GRIK1: variants seen among roughly 807,000 people sequenced by gnomAD.
GRIK1 encodes the protein glutamate receptor ionotropic, kainate 1.
Under a neutral mutation model 105.7 loss-of-function variants are expected in GRIK1, and 69 were observed. The ratio of observed to expected loss-of-function variants is 0.65; its 90% confidence interval spans 0.54 to 0.80. The LOEUF (loss-of-function observed/expected upper bound fraction) is 0.80, where lower values mean the gene tolerates loss of function less well. GRIK1 is among the 30% of genes least tolerant of loss of function. The pLI is 0.00. For missense variants in GRIK1, 1,109 were observed against 1,167.3 expected (o/e 0.95, Z 0.73); for synonymous variants, 438 against 431.3 (o/e 1.02, Z -0.19).
intron 4 of GRIK1, among the ~76,000 whole-genome samples, chr21:29,658,301 G>A (rs532728331): frequency 4.6e-5 from 7 of 151,434 alleles, no homozygotes; most frequent in South Asian, 2.1e-4. Context: ...TCATTCTGTC[G>A]CCCCAGGCTA....
chr21:29,749,715 A>G (rs534476221), intron 1 of GRIK1, among the ~76,000 whole-genome samples: 11 of 152,360 alleles, frequency 7.2e-5, no homozygotes. Flanking sequence ...GCAACTTGAT[A>G]TATGGGGGTG....
At chr21:29,701,003 T>A (rs2063801791) in intron 1 of GRIK1, among the ~76,000 whole-genome samples, 1 of 152,242 alleles carries the variant, frequency 6.6e-6, no homozygotes, top group Admixed American at 6.5e-5. Flanking sequence ...ATTCCAACGA[T>A]AACCATTTCA....
chr21:29,665,622 T>A (rs1049879399), intron 4 of GRIK1, among the ~76,000 whole-genome samples: 2 of 152,194 alleles, frequency 1.3e-5, no homozygotes, highest in African/African-American at 4.8e-5. Flanking sequence ...GTTCTTTATA[T>A]CTAAACGCTA....
At chr21:29,931,281 C>G (rs1602079331) in intron 1 of GRIK1, among the ~76,000 whole-genome samples, 2 of 152,238 alleles carry the variant, frequency 1.3e-5, no homozygotes, top group East Asian at 3.9e-4. Flanking sequence ...TTGGTTGTGA[C>G]AGTTTTTCAG....
At chr21:29,661,317 A>C (rs2062957680) in intron 4 of GRIK1, among the ~76,000 whole-genome samples, 1 of 152,212 alleles carries the variant, frequency 6.6e-6, no homozygotes, top group Non-Finnish European at 1.5e-5. Flanking sequence ...GAACCAATGG[A>C]ATATGTTCCT....
chr21:29,784,491 T>C (rs2066207310), intron 1 of GRIK1, among the ~76,000 whole-genome samples: 1 of 152,196 alleles, frequency 6.6e-6, no homozygotes, highest in Non-Finnish European at 1.5e-5. Context: ...TGGGGTAGTA[T>C]TTAATCTTTG....
chr21:29,571,021 C>G (rs2090734090), intron 14 of GRIK1, among the ~76,000 whole-genome samples: 1 of 152,112 alleles, frequency 6.6e-6, no homozygotes, highest in African/African-American at 2.4e-5. Flanking sequence ...CACTGCCTCC[C>G]CGTCTCAGTC....
At chr21:29,675,508 T>C (rs190237955) in intron 3 of GRIK1, among the ~76,000 whole-genome samples, 6 of 152,372 alleles carry the variant, frequency 3.9e-5, no homozygotes, top group African/African-American at 9.6e-5. Context: ...GAATGTCACA[T>C]CTTTCTATCA....
At chr21:29,804,129 A>T (rs2066789039) in intron 1 of GRIK1, among the ~76,000 whole-genome samples, 8 of 151,960 alleles carry the variant, frequency 5.3e-5, no homozygotes, top group Admixed American at 5.3e-4. Flanking sequence ...TTTTTCTTTG[A>T]ATGTGAGATC....
chr21:29,600,141 G>A (rs926791105), intron 7 of GRIK1, among the ~76,000 whole-genome samples: 11 of 152,130 alleles, frequency 7.2e-5, no homozygotes, highest in Non-Finnish European at 1.5e-4. Flanking sequence ...AGACACTTGT[G>A]ATTGTAAATA....
intron 1 of GRIK1, among the ~76,000 whole-genome samples, chr21:29,757,682 C>T (rs1372199178): frequency 1.3e-5 from 2 of 152,168 alleles, no homozygotes; most frequent in Non-Finnish European, 2.9e-5. Context: ...CAATTTTTCC[C>T]CCAGAGGACT....
chr21:29,900,779 C>G (rs1480772158), intron 1 of GRIK1, among the ~76,000 whole-genome samples: 1 of 152,110 alleles, frequency 6.6e-6, no homozygotes, highest in Non-Finnish European at 1.5e-5. Flanking sequence ...AGCTCTGGAC[C>G]AAGCAGACCT....
At chr21:29,542,456 G>A (rs563126174) in intron 16 of GRIK1, among the ~76,000 whole-genome samples, 2 of 152,174 alleles carry the variant, frequency 1.3e-5, no homozygotes, top group South Asian at 4.2e-4. Flanking sequence ...GACTAATAAA[G>A]TTCTATTTGT....
intron 16 of GRIK1, among the ~76,000 whole-genome samples, chr21:29,540,006 TCTGCTTTA>T (rs1397584152): frequency 6.6e-6 from 1 of 152,230 alleles, no homozygotes; most frequent in Admixed American, 6.5e-5. Flanking sequence ...TTCCAATCTT[TCTGCTTTA>T]CTTGAACTCT....
rs77490141 is a variant in GRIK1, at chr21:29,557,444, C to T, written c.2357-2142G>A. ...CAAGAATCAAACTCAAGTTTCCTGA[C>T]TTCTTACTTTTCAGTGTTGTTTTCA... On this transcript the variant is annotated intron_variant, in intron 15 of 17. Coordinates refer to ENST00000327783, the MANE Select transcript of GRIK1 (RefSeq NM_001330994.2). Among the ~76,000 whole-genome samples the T allele has an allele frequency of 1.3e-3, 205 of 152,308 alleles. 7 individuals carry two copies. In the East Asian group the frequency reaches 0.035, roughly 26 times the overall value.
At chr21:29,601,756 A>G (rs1280260963) in intron 7 of GRIK1, among the ~76,000 whole-genome samples, 3 of 152,186 alleles carry the variant, frequency 2.0e-5, no homozygotes, top group Non-Finnish European at 2.9e-5. Flanking sequence ...TGTACTTATT[A>G]CCACTTACCT....
chr21:29,840,481 A>T (rs1395180360), intron 1 of GRIK1, among the ~76,000 whole-genome samples: 2 of 152,046 alleles, frequency 1.3e-5, no homozygotes, highest in East Asian at 1.9e-4. Context: ...CAAGGGGAGG[A>T]TGAGGCACAA....
intron 1 of GRIK1, among the ~76,000 whole-genome samples, chr21:29,874,776 G>A (rs1601915798): frequency 6.6e-6 from 1 of 152,188 alleles, no homozygotes; most frequent in Admixed American, 6.5e-5. Context: ...TTGAATGTGA[G>A]AGACAGAATA....
chr21:29,691,369 T>C (rs1601462314), intron 2 of GRIK1, among the ~76,000 whole-genome samples: 1 of 152,358 alleles, frequency 6.6e-6, no homozygotes, highest in East Asian at 1.9e-4. Context: ...TTTTTGGCTA[T>C]TATAAATAAT....
Sources: allele counts gnomAD v4.1 joint callset (sites outside exome capture counted in the v4.1 genomes callset), GRCh38; gene constraint gnomAD v4.1.1; transcripts MANE v1.5; gene names NCBI Gene and HGNC (gene_info 2026-07-23, HGNC 2026-07-21).